Variants in AFG1L observed in about 807,000 individuals in gnomAD.
AFG1L encodes AFG1-like ATPase.
Under a neutral mutation model 62.2 loss-of-function variants are expected in AFG1L, and 53 were observed. The observed-to-expected ratio is 0.85, with a 90% CI of 0.68 to 1.07. AFG1L has a LOEUF of 1.07. AFG1L is among the 50% of genes least tolerant of loss of function. The pLI is 0.00. For synonymous variants in AFG1L, 228 were observed against 210.3 expected (o/e 1.08, Z -0.73); for missense variants, 555 against 590.5 (o/e 0.94, Z 0.62).
intron 5 of AFG1L, among the ~76,000 whole-genome samples, chr6:108,360,879 G>A (rs144650846): frequency 1.3e-5 from 2 of 152,328 alleles, no homozygotes; most frequent in South Asian, 4.1e-4. Flanking sequence ...CCAGCACTCT[G>A]ATCCCCACCA....
chr6:108,472,258 T>A (rs2114803815), intron 8 of AFG1L, among the ~76,000 whole-genome samples: 1 of 152,216 alleles, frequency 6.6e-6, no homozygotes, highest in South Asian at 2.1e-4. Flanking sequence ...GGTCAAAAGA[T>A]AGCAAGTTGC....
At chr6:108,521,173 A>C (rs1775110593) in intron 12 of AFG1L, 1 of 152,296 alleles carries the variant, frequency 6.6e-6, no homozygotes, top group East Asian at 1.9e-4. Context: ...TAAAGTTTAC[A>C]TCATTGGCTC....
chr6:108,455,661 A>C (rs1197467856), intron 8 of AFG1L, among the ~76,000 whole-genome samples: 1 of 151,072 alleles, frequency 6.6e-6, no homozygotes, highest in African/African-American at 2.4e-5. Flanking sequence ...ATGTTTTATT[A>C]TGTCATGTTT....
At chr6:108,376,200 CTCTTTT>C (rs1780240530) in intron 6 of AFG1L, among the ~76,000 whole-genome samples, 1 of 152,062 alleles carries the variant, frequency 6.6e-6, no homozygotes, top group African/African-American at 2.4e-5. Flanking sequence ...GATTTTCTCT[CTCTTTT>C]TCTTTTTTAA....
At chr6:108,394,807 A>G (rs1781219066) in intron 6 of AFG1L, among the ~76,000 whole-genome samples, 1 of 152,244 alleles carries the variant, frequency 6.6e-6, no homozygotes, top group Non-Finnish European at 1.5e-5. Flanking sequence ...AACAAAGCTG[A>G]TGTAAACATC....
intron 1 of AFG1L, among the ~76,000 whole-genome samples, chr6:108,306,786 A>G (rs1562464158): frequency 6.6e-6 from 1 of 152,152 alleles, no homozygotes; most frequent in South Asian, 2.1e-4. Context: ...TACTTTCTGA[A>G]TGACACTCTG....
intron 2 of AFG1L, among the ~76,000 whole-genome samples, chr6:108,345,758 T>G (rs1247716195): frequency 6.6e-6 from 1 of 152,206 alleles, no homozygotes; most frequent in Non-Finnish European, 1.5e-5. Flanking sequence ...TTTTTCCAAA[T>G]ATCCATTGAC....
At chr6:108,360,059 C>T (rs192803466) in intron 5 of AFG1L, among the ~76,000 whole-genome samples, 271 of 152,270 alleles carry the variant, frequency 1.8e-3, no homozygotes, top group Admixed American at 5.0e-3. Context: ...AAGAATTAAT[C>T]GGTGAGCTAA....
At chr6:108,414,947 A>G (rs897189683) in intron 7 of AFG1L, among the ~76,000 whole-genome samples, 10 of 152,192 alleles carry the variant, frequency 6.6e-5, no homozygotes, top group Non-Finnish European at 1.3e-4. Context: ...AAAGAAATAA[A>G]GGGTATTCAA....
At chr6:108,326,653 G>C (rs2114319616) in intron 2 of AFG1L, among the ~76,000 whole-genome samples, 1 of 152,166 alleles carries the variant, frequency 6.6e-6, no homozygotes, top group East Asian at 1.9e-4. Flanking sequence ...ACCATTAGTA[G>C]TACTTTATTT....
intron 1 of AFG1L, among the ~76,000 whole-genome samples, chr6:108,301,330 C>G (rs1776990742): frequency 6.6e-6 from 1 of 152,188 alleles, no homozygotes; most frequent in African/African-American, 2.4e-5. Context: ...TTTTACCCAG[C>G]CCTTATTTAA....
intron 7 of AFG1L, among the ~76,000 whole-genome samples, chr6:108,441,926 C>G (rs1223954810): frequency 1.3e-5 from 2 of 151,902 alleles, no homozygotes; most frequent in African/African-American, 4.8e-5. Context: ...GTATAACTTT[C>G]ATTAGCCTTA....
intron 3 of AFG1L, among the ~76,000 whole-genome samples, chr6:108,349,315 C>T (rs949447001): frequency 2.6e-5 from 4 of 152,002 alleles, no homozygotes; most frequent in African/African-American, 4.8e-5. Context: ...AAAACCCTGT[C>T]TCCACAAAAA....
At chr6:108,307,323 T>C (rs1025370036) in intron 1 of AFG1L, among the ~76,000 whole-genome samples, 84 of 152,190 alleles carry the variant, frequency 5.5e-4, no homozygotes, top group African/African-American at 2.0e-3. Flanking sequence ...AAAAATAAGT[T>C]ACTTTTAATT....
At chr6:108,499,124 A>C (rs1472713265) in intron 10 of AFG1L, among the ~76,000 whole-genome samples, 1 of 148,892 alleles carries the variant, frequency 6.7e-6, no homozygotes, top group Non-Finnish European at 1.5e-5. Context: ...GCTGGAGTAC[A>C]GTGGCGCCAT....
chr6:108,401,388 C>T (rs143310180), intron 6 of AFG1L, among the ~76,000 whole-genome samples: 8,521 of 151,376 alleles, frequency 0.056, 593 homozygotes, highest in African/African-American at 0.16. Context: ...ATGATCCACC[C>T]GCCTCGGCCT....
intron 8 of AFG1L, among the ~76,000 whole-genome samples, chr6:108,473,170 A>G (rs1772972077): frequency 6.6e-6 from 1 of 152,184 alleles, no homozygotes; most frequent in East Asian, 1.9e-4. Flanking sequence ...CTTATAAGAC[A>G]CTGTTATAAC....
At chr6:108,321,923 C>T (rs530506925) in intron 1 of AFG1L, among the ~76,000 whole-genome samples, 1 of 152,202 alleles carries the variant, frequency 6.6e-6, no homozygotes, top group East Asian at 1.9e-4. Context: ...ACTCTGTTGC[C>T]CGGGCTGGAG....
intron 10 of AFG1L, among the ~76,000 whole-genome samples, chr6:108,496,259 C>G (rs1279323534): frequency 6.6e-6 from 1 of 152,074 alleles, no homozygotes; most frequent in African/African-American, 2.4e-5. Context: ...ATGTCTTTTC[C>G]CTGTGTTTTG....
Sources: allele counts gnomAD v4.1 joint callset (sites outside exome capture counted in the v4.1 genomes callset), GRCh38; gene constraint gnomAD v4.1.1; transcripts MANE v1.5; gene names NCBI Gene and HGNC (gene_info 2026-07-23, HGNC 2026-07-21).